The following ABHD10 variants were observed in gnomAD, a reference collection of about 807,000 sequenced individuals.
ABHD10 encodes palmitoyl-protein thioesterase ABHD10, mitochondrial.
ABHD10 carries 22 observed loss-of-function variants against 33.1 expected under a neutral mutation model. That is an observed-to-expected ratio of 0.66 (90% CI 0.47 to 0.95). The LOEUF is 0.95. Ranked by LOEUF, ABHD10 falls within the 40% of genes least tolerant of loss-of-function variation. ABHD10 has a pLI of 0.00. For missense variants in ABHD10, 352 were observed against 379.9 expected (o/e 0.93, Z 0.61); for synonymous variants, 146 against 133.9 (o/e 1.09, Z -0.62).
chr3:111,983,262 C>A (rs1184362797), intron 2 of ABHD10, among the ~76,000 whole-genome samples: 1 of 151,984 alleles, frequency 6.6e-6, no homozygotes, highest in East Asian at 1.9e-4. Context: ...GAAGTGCTGT[C>A]CAAGGAGGGG....
intron 2 of ABHD10, among the ~76,000 whole-genome samples, chr3:111,982,485 G>GA (rs1433721459): frequency 6.6e-6 from 1 of 152,076 alleles, no homozygotes; most frequent in Non-Finnish European, 1.5e-5. Flanking sequence ...TTTTCACACT[G>GA]AGAGTTATTT....
At chr3:111,983,512 T>G (rs1047047570) in intron 2 of ABHD10, among the ~76,000 whole-genome samples, 16 of 152,168 alleles carry the variant, frequency 1.1e-4, no homozygotes, top group African/African-American at 3.6e-4. Context: ...AAATATTTAG[T>G]TTGAACAAGT....
intron 2 of ABHD10, among the ~76,000 whole-genome samples, chr3:111,983,412 G>A (rs1203913562): frequency 6.6e-6 from 1 of 152,132 alleles, no homozygotes; most frequent in Non-Finnish European, 1.5e-5. Flanking sequence ...GTTATAACCA[G>A]TTCCTGTCTC....
At chr3:111,986,147 T>C (rs1436616811) in intron 2 of ABHD10, 117 bp from the exon 3 acceptor site, 7 of 574,762 alleles carry the variant, frequency 1.2e-5, no homozygotes, top group Non-Finnish European at 2.1e-5. Context: ...AAAATACATA[T>C]TGATTGTGAT....
chr3:111,991,799 C>A lies in ABHD10; in HGVS notation c.*78C>A. 1.7e-6 allele frequency: 2 copies of A among 1,172,380 alleles called. No homozygotes were observed. The highest frequency in any genetic ancestry group is 2.4e-6 in the Non-Finnish European group (2 of 839,456). 72.6% of individuals were successfully genotyped at this position (1,172,380 alleles called of 1,614,324 possible). The stretch of plus-strand genomic sequence containing the variant: ...GGATAAGAAATGAAAGATCCTGATA[C>A]TTTAGGTTTTTCCCTTTCCTCTATT... On this transcript the variant is annotated 3_prime_UTR_variant, in exon 5 of 5. Transcript: ENST00000273359.
At position 111,991,424 on chromosome 3, in the gene ABHD10, A is replaced by G. The variant is rs2072737687; in HGVS notation, c.624A>G (p.Lys208=). The G allele has an allele frequency of 1.2e-6, 2 of 1,613,464 alleles. No homozygotes were observed. Among genetic ancestry groups the G allele is most frequent in the Non-Finnish European group, 8.5e-7 (1 of 1,179,814 alleles). ...EMKGVWSMPS[K]YSEEGVYNVQ... is the part of the protein sequence containing the mutation. ...AAGGTGTGTGGAGCATGCCATCAAA[A>G]TACTCTGAAGAAGGAGTTTATAACG... Residue 208 remains lysine, a synonymous_variant, in exon 5 of 5, where the codon AAA becomes AAG. Transcript: ENST00000273359.
At chr3:111,989,617 A>G (rs1445865477) in intron 4 of ABHD10, among the ~76,000 whole-genome samples, 1 of 152,238 alleles carries the variant, frequency 6.6e-6, no homozygotes. Context: ...CTGCTGAAGT[A>G]TTTACAAATT....
rs147373641 is a variant in ABHD10 at position 111,979,140 on chromosome 3, C to T, written c.79C>T (p.Pro27Ser). 1,883 of 1,613,230 alleles carry T rather than the reference C, an allele frequency of 1.2e-3. No individual in the cohort carries two copies. The highest frequency in any genetic ancestry group is 1.4e-3 in the Non-Finnish European group (1,655 of 1,179,766). ...GGGCTGGGCAGCCGTCCCCTTCGGT[C>T]CCCACCGTGGCCTCAGCGTGCTGCT... Reference protein sequence around the residue: ...SWGWAAVPFGPHRGLSVLLAR... With the variant: ...SWGWAAVPFGSHRGLSVLLAR... The change falls in exon 1 of 5, where the codon CCC (proline) becomes TCC (serine). Residue 27 changes from proline to serine, a missense_variant. Transcript: ENST00000273359.
Position 111,992,515 on chromosome 3 carries a change from G to A in ABHD10, c.*794G>A, listed in dbSNP as rs1403226206. 1 of 151,950 alleles carries A rather than the reference G, an allele frequency of 6.6e-6. No individual in the cohort carries two copies. Among genetic ancestry groups the A allele is most frequent in the Admixed American group, 6.6e-5 (1 of 15,226 alleles). The allele number at this position is 151,950 out of a possible 1,614,324, so 9.4% of individuals were successfully genotyped here. The stretch of plus-strand genomic sequence containing the variant: ...CCTAAGTACAACTAGGCAAGTGATT[G>A]CCACCTAAATCAGAAGACGTTCTAA... On this transcript the variant is annotated 3_prime_UTR_variant, in exon 5 of 5. Coordinates refer to ENST00000273359, the MANE Select transcript of ABHD10 (RefSeq NM_018394.4).
chr3:111,981,712 A>G (rs757847007), intron 1 of ABHD10, 72 bp from the exon 2 acceptor site: 18 of 1,309,814 alleles, frequency 1.4e-5, no homozygotes, highest in Admixed American at 2.4e-5. Flanking sequence ...GAAAGTTAAG[A>G]TCGAAAATAT....
chr3:111,992,913 A>C lies in ABHD10; in HGVS notation c.*1192A>C, dbSNP rs2072760536. 6.6e-6 allele frequency: 1 copy of C among 152,238 alleles called. No homozygotes were observed. Among genetic ancestry groups the C allele is most frequent in the Non-Finnish European group, 1.5e-5 (1 of 68,042 alleles). 9.4% of individuals were successfully genotyped at this position (152,238 alleles called of 1,614,324 possible). A position where few individuals can be genotyped will look rare whatever the true frequency, so the allele number is the denominator to read the frequency against. Reference sequence around the variant, plus strand: ...AAAAAGTGTTAATGAAGCCGACCTGACTACTTAACCTTAGAGACCTGCTTT... The same window carrying C: ...AAAAAGTGTTAATGAAGCCGACCTGCCTACTTAACCTTAGAGACCTGCTTT... On this transcript the variant is annotated 3_prime_UTR_variant, in exon 5 of 5. Coordinates refer to ENST00000273359, the MANE Select transcript of ABHD10 (RefSeq NM_018394.4).
At chr3:111,984,468 A>C (rs62277638) in intron 2 of ABHD10, among the ~76,000 whole-genome samples, 30,942 of 152,092 alleles carry the variant, frequency 0.2, 3,247 homozygotes, top group Middle Eastern at 0.28. Context: ...CAACAGTGTG[A>C]GATGTGAAAC....
At chr3:111,986,549 C>T (rs2072664864) in intron 3 of ABHD10, among the ~76,000 whole-genome samples, 174 bp downstream of exon 3, 1 of 152,198 alleles carries the variant, frequency 6.6e-6, no homozygotes, top group African/African-American at 2.4e-5. Context: ...CATCCTCCTG[C>T]CTCAGCCTCC....
chr3:111,986,467 G>T, intron 3 of ABHD10, 92 bp downstream of exon 3: 1 of 895,126 alleles, frequency 1.1e-6, no homozygotes, highest in Non-Finnish European at 1.7e-6. Context: ...ATGGAGTCTC[G>T]TGCTGTCACC....
At chr3:111,986,447 G>A in intron 3 of ABHD10, 72 bp downstream of exon 3, 1 of 1,262,058 alleles carries the variant, frequency 7.9e-7, no homozygotes, top group Non-Finnish European at 1.1e-6. Flanking sequence ...GTTTTGTTTT[G>A]TTTTTTGAGA....
chr3:111,989,883 G>A (rs532194021), intron 4 of ABHD10, among the ~76,000 whole-genome samples: 2 of 151,698 alleles, frequency 1.3e-5, no homozygotes, highest in East Asian at 3.9e-4. Context: ...ATTATATTAT[G>A]TCATACATAT....
intron 4 of ABHD10, among the ~76,000 whole-genome samples, chr3:111,987,453 G>A (rs2072682128): frequency 6.6e-6 from 1 of 152,032 alleles, no homozygotes; most frequent in Non-Finnish European, 1.5e-5. Context: ...TGTTAGAGTG[G>A]GCTAATGAAC....
intron 2 of ABHD10, among the ~76,000 whole-genome samples, chr3:111,983,113 A>G (rs749784525): frequency 5.3e-5 from 8 of 152,148 alleles, no homozygotes; most frequent in African/African-American, 7.2e-5. Context: ...GATAAAATAC[A>G]TGTTAGAAAT....
chr3:111,985,133 C>T (rs1461087188), intron 2 of ABHD10, among the ~76,000 whole-genome samples: 8 of 152,056 alleles, frequency 5.3e-5, no homozygotes, highest in Non-Finnish European at 1.2e-4. Flanking sequence ...AGGGTGACTA[C>T]GAATTTGGGT....
Sources: gnomAD v4.1 joint callset for allele counts (sites outside exome capture counted in the v4.1 genomes callset) on GRCh38, gnomAD v4.1.1 for gene constraint, MANE v1.5 for transcripts, NCBI Gene and HGNC (gene_info 2026-07-23, HGNC 2026-07-21) for gene names.